SMARCAL1: variants seen among roughly 807,000 people sequenced by gnomAD.
SMARCAL1 encodes SNF2 related chromatin remodeling annealing helicase 1.
In SMARCAL1, 58 loss-of-function variants were observed where a neutral mutation model predicts 94.5. The ratio of observed to expected loss-of-function variants is 0.61; its 90% CI spans 0.50 to 0.76. SMARCAL1 has a LOEUF of 0.76. Ranked by LOEUF, SMARCAL1 falls within the 30% of genes least tolerant of loss-of-function variation. The pLI, the probability that SMARCAL1 is intolerant of heterozygous loss-of-function variation, is 0.00. For missense variants in SMARCAL1, 1,051 were observed against 1,177.9 expected (o/e 0.89, Z 1.58); for synonymous variants, 422 against 455.1 (o/e 0.93, Z 0.93).
At chr2:216,456,488 G>T (rs1055121929) in intron 12 of SMARCAL1, among the ~76,000 whole-genome samples, 2 of 152,236 alleles carry the variant, frequency 1.3e-5, no homozygotes, top group African/African-American at 4.8e-5. Context: ...CAGACTAACA[G>T]TTGATCTCTC....
At chr2:216,435,142 G>T (rs978358302) in intron 8 of SMARCAL1, among the ~76,000 whole-genome samples, 196 bp from the exon 9 acceptor site, 1 of 152,056 alleles carries the variant, frequency 6.6e-6, no homozygotes, top group Admixed American at 6.5e-5. Flanking sequence ...ACAGGTGTGA[G>T]CGACCGCACC....
intron 6 of SMARCAL1, among the ~76,000 whole-genome samples, chr2:216,425,425 C>G (rs1006492406): frequency 6.6e-6 from 1 of 152,160 alleles, no homozygotes; most frequent in Non-Finnish European, 1.5e-5. Context: ...CCATGGAGCC[C>G]TAAGGGGGTG....
chr2:216,468,106 C>A, intron 14 of SMARCAL1, 60 bp downstream of exon 14: 2 of 1,197,908 alleles, frequency 1.7e-6, no homozygotes, highest in Non-Finnish European at 2.5e-6. Context: ...TTGTTCTAAG[C>A]AGGCTTAGGT....
At chr2:216,472,161 C>T (rs1694982681) in intron 14 of SMARCAL1, among the ~76,000 whole-genome samples, 2 of 152,102 alleles carry the variant, frequency 1.3e-5, no homozygotes, top group African/African-American at 4.8e-5. Context: ...TCTAGATCAG[C>T]CTGGACAACA....
At chr2:216,438,573 G>C in intron 10 of SMARCAL1, 88 bp downstream of exon 10, 2 of 1,143,892 alleles carry the variant, frequency 1.7e-6, no homozygotes, top group East Asian at 2.5e-5. Context: ...TCCAGCAGGG[G>C]TTGCAAGTAT....
At chr2:216,469,430 C>T (rs927898380) in intron 14 of SMARCAL1, among the ~76,000 whole-genome samples, 2 of 151,744 alleles carry the variant, frequency 1.3e-5, no homozygotes, top group African/African-American at 4.8e-5. Flanking sequence ...TACAGGTGCC[C>T]GCCACCATGC....
chr2:216,433,997 A>G (rs1488705537), intron 8 of SMARCAL1, among the ~76,000 whole-genome samples: 1 of 147,382 alleles, frequency 6.8e-6, no homozygotes, highest in East Asian at 2.0e-4. Context: ...TTTTTTTTTA[A>G]TTTTAATTTT....
chr2:216,441,644 A>G (rs1474293554), intron 10 of SMARCAL1, among the ~76,000 whole-genome samples: 2 of 152,182 alleles, frequency 1.3e-5, no homozygotes, highest in East Asian at 1.9e-4. Flanking sequence ...CATCATCTAT[A>G]TGTACCTTGC....
At chr2:216,434,944 C>T (rs1201033603) in intron 8 of SMARCAL1, among the ~76,000 whole-genome samples, 1 of 151,036 alleles carries the variant, frequency 6.6e-6, no homozygotes, top group Non-Finnish European at 1.5e-5. Flanking sequence ...CCACAACCTC[C>T]ACTTCCCGGG....
chr2:216,482,738 G>C lies in SMARCAL1; in HGVS notation c.2626G>C (p.Asp876His). 6.2e-7 allele frequency: 1 copy of C among 1,614,160 alleles called. No homozygotes were observed. Among genetic ancestry groups the C allele is most frequent in the South Asian group, 1.1e-5 (1 of 91,070 alleles). The change falls in exon 18 of 18, where the codon GAC (aspartate) becomes CAC (histidine). Residue 876 changes from aspartate to histidine, a missense_variant and splice_region_variant. Asp to His is a moderately conservative substitution (Grantham distance 81). Transcript: ENST00000357276. The surrounding 1 kb of genome is among the most constrained non-coding windows in gnomAD (Gnocchi z 4.3). Reference protein sequence around the residue: ...MTESTDYLYKDPKQQKIYDLF... With the variant: ...MTESTDYLYKHPKQQKIYDLF... Reference sequence around the variant, plus strand: ...CTTTTGTTTTCTTTCTCTGATGAAGGACCCAAAGCAGCAGAAGATCTACGA... The same window carrying C: ...CTTTTGTTTTCTTTCTCTGATGAAGCACCCAAAGCAGCAGAAGATCTACGA...
chr2:216,453,261 C>G (rs1225565376), intron 12 of SMARCAL1, among the ~76,000 whole-genome samples: 1 of 152,206 alleles, frequency 6.6e-6, no homozygotes, highest in Admixed American at 6.5e-5. Flanking sequence ...GAAAGTTAAA[C>G]GTTTATCCCT....
chr2:216,420,424 T>C lies in SMARCAL1; in HGVS notation c.988T>C (p.Phe330Leu). 6.2e-7 allele frequency: 1 copy of C among 1,614,110 alleles called. No homozygotes were observed. Among genetic ancestry groups the C allele is most frequent in the Non-Finnish European group, 8.5e-7 (1 of 1,179,992 alleles). The change falls in exon 5 of 18, where the codon TTT becomes CTT. Residue 330 changes from phenylalanine to leucine, a missense_variant. By Grantham distance (22) the Phe-to-Leu change is conservative. Around this residue, in one of 3 missense-constraint regions of SMARCAL1, gnomAD observed 398 missense variants for 395.2 expected, o/e 1.01. Coordinates refer to ENST00000357276, the MANE Select transcript of SMARCAL1 (RefSeq NM_014140.4). The part of the protein sequence containing the change: ...AGLPSAPSLS[F>L]VKGRCMLISR... ...CCTTCCATCAGCTCCATCCCTTTCA[T>C]TTGTCAAAGGGCGATGCATGCTCAT... is the stretch of plus-strand genomic sequence containing the variant.
At chr2:216,477,030 T>G (rs1574485225) in intron 15 of SMARCAL1, 79 bp from the exon 16 acceptor site, 2 of 1,134,016 alleles carry the variant, frequency 1.8e-6, no homozygotes. Flanking sequence ...GGAAATGGGG[T>G]GGAGAGGAAC....
In SMARCAL1 at chr2:216,443,896, T is replaced by C. The variant is rs542267466; in HGVS notation, c.1711-3122T>C. On this transcript the variant is annotated intron_variant, in intron 10 of 17. Transcript: ENST00000357276. ...TACACCCGTGGTCTCCCTCCCCGACTCCAAGCACTGGCTTTCTTCTGAATG... is the reference window on the plus strand; with the variant it reads ...TACACCCGTGGTCTCCCTCCCCGACCCCAAGCACTGGCTTTCTTCTGAATG... Among the ~76,000 whole-genome samples the C allele has an allele frequency of 2.0e-5, 3 of 152,336 alleles. No homozygotes were observed. The East Asian group carries it at 5.8e-4, about 29-fold the overall frequency.
chr2:216,427,464 T>C (rs1182663698), intron 6 of SMARCAL1: 1 of 152,222 alleles, frequency 6.6e-6, no homozygotes, highest in African/African-American at 2.4e-5. Flanking sequence ...GTTCTGAAGA[T>C]CACTAGAATT....
chr2:216,469,279 C>CTTTTT (rs71054477), intron 14 of SMARCAL1, among the ~76,000 whole-genome samples: 6 of 102,968 alleles, frequency 5.8e-5, no homozygotes, highest in Admixed American at 2.2e-4. Flanking sequence ...TTAGAGATTT[C>CTTTTT]TTTTTTTTTT....
intron 5 of SMARCAL1, among the ~76,000 whole-genome samples, chr2:216,423,349 C>G (rs1693765386): frequency 6.6e-6 from 1 of 152,342 alleles, no homozygotes. Context: ...CATTTCTGAC[C>G]TGCTAGACCC....
At chr2:216,459,211 C>T (rs1211122826) in intron 12 of SMARCAL1, among the ~76,000 whole-genome samples, 1 of 152,188 alleles carries the variant, frequency 6.6e-6, no homozygotes, top group African/African-American at 2.4e-5. Flanking sequence ...AAGAACATTC[C>T]ATACTCCTGA....
rs1337257416 is a variant in SMARCAL1, at chr2:216,470,156, T to C, written c.2244+2110T>C. Among the ~76,000 whole-genome samples the C allele has an allele frequency of 5.9e-5, 9 of 151,750 alleles. No individual in the cohort carries two copies. The East Asian group carries it at 1.8e-3, about 30-fold the overall frequency. On this transcript the variant is annotated intron_variant, in intron 14 of 17. Transcript: ENST00000357276. ...ATCAGTTATCTTTTTATCTTTTAAATTTATTTTGTTGGGGAGGGGGGTCTC... is the reference window on the plus strand; with the variant it reads ...ATCAGTTATCTTTTTATCTTTTAAACTTATTTTGTTGGGGAGGGGGGTCTC...
Sources: allele counts gnomAD v4.1 joint callset (sites outside exome capture counted in the v4.1 genomes callset), GRCh38; gene constraint gnomAD v4.1.1; regional missense constraint gnomAD v4.1.1; non-coding constraint Gnocchi (gnomAD v3.1); transcripts MANE v1.5; gene names NCBI Gene and HGNC (gene_info 2026-07-23, HGNC 2026-07-21).